Variants in POLR3B observed in about 807,000 individuals in gnomAD.
POLR3B encodes DNA-directed RNA polymerase III subunit RPC2.
Under a neutral mutation model 147.4 loss-of-function variants are expected in POLR3B, and 96 were observed. The observed-to-expected ratio is 0.65, with a 90% CI of 0.55 to 0.77. The LOEUF is 0.77. POLR3B is among the 30% of genes least tolerant of loss of function. The pLI, the probability that POLR3B is intolerant of heterozygous loss-of-function variation, is 0.00. For synonymous variants in POLR3B, 461 were observed against 485.9 expected (o/e 0.95, Z 0.67); for missense variants, 1,036 against 1,413.5 (o/e 0.73, Z 4.28).
At chr12:106,419,720 A>G (rs1318333793) in intron 12 of POLR3B, among the ~76,000 whole-genome samples, 1 of 149,898 alleles carries the variant, frequency 6.7e-6, no homozygotes, top group African/African-American at 2.4e-5. Context: ...AGTATTTAGT[A>G]TGCATAATAT....
At chr12:106,433,652 T>C in intron 15 of POLR3B, 67 bp from the exon 16 acceptor site, 2 of 1,290,836 alleles carry the variant, frequency 1.5e-6, no homozygotes, top group Admixed American at 1.8e-5. Context: ...TTTTATTGGT[T>C]GGATATATTA....
intron 6 of POLR3B, among the ~76,000 whole-genome samples, chr12:106,373,903 A>G (rs1000959257): frequency 5.3e-5 from 8 of 152,092 alleles, no homozygotes; most frequent in African/African-American, 1.9e-4. Context: ...ATTGGAGTGT[A>G]TATCTGTCAA....
intron 18 of POLR3B, among the ~76,000 whole-genome samples, chr12:106,442,652 T>G (rs546632252): frequency 7.6e-4 from 115 of 152,278 alleles, no homozygotes; most frequent in Middle Eastern, 3.4e-3. Flanking sequence ...GGTTAATAAC[T>G]GGATAAGTGG....
intron 10 of POLR3B, among the ~76,000 whole-genome samples, chr12:106,405,482 A>G (rs1175685498): frequency 6.6e-6 from 1 of 151,088 alleles, no homozygotes; most frequent in East Asian, 2.0e-4. Flanking sequence ...AAAAAGTACT[A>G]CTATAAAATT....
chr12:106,393,129 A>G lies in POLR3B; in HGVS notation c.822A>G (p.Lys274=). Residue 274 remains lysine, a synonymous_variant, in exon 10 of 28, where the codon AAA becomes AAG. Transcript: ENST00000228347. Reference sequence around the variant, plus strand: ...GGCCCAGTCTGGAAGAGTGCCAGAAAGCTCAGATTTTCACACAGATGCAGG... The same window carrying G: ...GGCCCAGTCTGGAAGAGTGCCAGAAGGCTCAGATTTTCACACAGATGCAGG... The part of the protein sequence containing the change: ...AFGPSLEECQ[K]AQIFTQMQAL... 2 of 1,614,220 alleles carry G rather than the reference A, an allele frequency of 1.2e-6. No individual in the cohort carries two copies. Among genetic ancestry groups the G allele is most frequent in the Non-Finnish European group, 1.7e-6 (2 of 1,180,026 alleles).
intron 20 of POLR3B, 127 bp from the exon 21 acceptor site, chr12:106,457,011 A>C (rs1323087559): frequency 1.3e-6 from 1 of 785,544 alleles, no homozygotes; most frequent in African/African-American, 1.7e-5. Flanking sequence ...GATTATTATC[A>C]AATACAGAGA....
chr12:106,373,891 ATATT>A (rs2036642596), intron 6 of POLR3B, among the ~76,000 whole-genome samples: 1 of 152,272 alleles, frequency 6.6e-6, no homozygotes, highest in African/African-American at 2.4e-5. Context: ...ATATGCATAT[ATATT>A]GGAGTGTATA....
At chr12:106,436,236 T>C (rs1409396597) in intron 16 of POLR3B, among the ~76,000 whole-genome samples, 2 of 152,226 alleles carry the variant, frequency 1.3e-5, no homozygotes, top group Non-Finnish European at 2.9e-5. Context: ...GTCTGGTGGT[T>C]ACTTGCTCCT....
Position 106,358,037 on chromosome 12 carries a change from C to T in POLR3B, c.72+86C>T, listed in dbSNP as rs981501248. 22 of 1,569,584 alleles carry T rather than the reference C, an allele frequency of 1.4e-5. No homozygotes were observed. In the East Asian group the frequency reaches 3.2e-4, roughly 23 times the overall value. Reference sequence around the variant, plus strand: ...CGGAGTGCTCGGGCCGCCAAGGGGGCGGGCTGGCGGTTTGTGCGCATGCGC... The same window carrying T: ...CGGAGTGCTCGGGCCGCCAAGGGGGTGGGCTGGCGGTTTGTGCGCATGCGC... On this transcript the variant is annotated intron_variant, in intron 1 of 27. Coordinates refer to ENST00000228347, the MANE Select transcript of POLR3B (RefSeq NM_018082.6).
intron 10 of POLR3B, among the ~76,000 whole-genome samples, chr12:106,404,093 G>GTTTTTTTTTT: frequency 7.4e-6 from 1 of 136,010 alleles, no homozygotes; most frequent in Non-Finnish European, 1.6e-5. Context: ...GTTGTTTTTT[G>GTTTTTTTTTT]TTTTTTTTTT....
chr12:106,478,283 T>G (rs1313021862), intron 23 of POLR3B, among the ~76,000 whole-genome samples: 1 of 152,130 alleles, frequency 6.6e-6, no homozygotes, highest in Non-Finnish European at 1.5e-5. Context: ...AGGTAAAACG[T>G]CAGGAAGGTC....
intron 20 of POLR3B, 117 bp downstream of exon 20, chr12:106,454,828 A>G (rs2037844518): frequency 1.4e-6 from 1 of 701,784 alleles, no homozygotes; most frequent in Admixed American, 2.1e-5. Flanking sequence ...ATTTTATGAT[A>G]TAGAAACAGG....
Position 106,357,883 on chromosome 12 carries a change from G to T in POLR3B, c.4G>T (p.Asp2Tyr). M[D>Y]VLAEEFGNLT... is the part of the protein sequence containing the mutation. ...TTCTTCCTCCTTCGTGAGCAGCATG[G>T]ACGTGCTAGCGGAGGAGTTTGGGAA... The change falls in exon 1 of 28, where the codon GAC becomes TAC. Residue 2 changes from aspartate to tyrosine, a missense_variant. Transcript: ENST00000228347. 1 of 1,613,616 alleles carries T rather than the reference G, an allele frequency of 6.2e-7. No homozygotes were observed. The highest frequency in any genetic ancestry group is 1.1e-5 in the South Asian group (1 of 90,982).
In POLR3B at chr12:106,378,034, G is replaced by A. The variant is rs148776836; in HGVS notation, c.497-233G>A. ...GGTTAGCAGTCCGAGGTTGCAGTGAGCTATGATTGTGCCACTGCACTCCAG... is the reference window on the plus strand; with the variant it reads ...GGTTAGCAGTCCGAGGTTGCAGTGAACTATGATTGTGCCACTGCACTCCAG... On this transcript the variant is annotated intron_variant, in intron 7 of 27. Coordinates refer to ENST00000228347, the MANE Select transcript of POLR3B (RefSeq NM_018082.6). Among the ~76,000 whole-genome samples, 1,005 of 152,304 alleles carry A rather than the reference G, an allele frequency of 6.6e-3. 12 individuals are homozygous for A. Among genetic ancestry groups the A allele is most frequent in the African/African-American group, 0.022 (919 of 41,558 alleles).
chr12:106,360,920 C>T (rs1199203885), intron 1 of POLR3B, among the ~76,000 whole-genome samples: 1 of 152,130 alleles, frequency 6.6e-6, no homozygotes, highest in African/African-American at 2.4e-5. Context: ...TTTGGTATTA[C>T]AAATGGTAGC....
At chr12:106,463,696 C>A in intron 23 of POLR3B, 76 bp downstream of exon 23, 1 of 1,270,266 alleles carries the variant, frequency 7.9e-7, no homozygotes. Context: ...ATAAAATTCC[C>A]CCATTTAAAA....
At chr12:106,397,065 C>T (rs1265651884) in intron 10 of POLR3B, among the ~76,000 whole-genome samples, 1 of 149,572 alleles carries the variant, frequency 6.7e-6, no homozygotes, top group African/African-American at 2.5e-5. Flanking sequence ...ATTGAGGCTG[C>T]AGTGAGCTGA....
intron 4 of POLR3B, among the ~76,000 whole-genome samples, chr12:106,368,297 A>G (rs1209097154): frequency 6.6e-6 from 1 of 151,992 alleles, no homozygotes; most frequent in East Asian, 1.9e-4. Context: ...AGATTCCAAG[A>G]CATGGACACT....
chr12:106,420,964 CTTTAAT>C (rs2037366281), intron 12 of POLR3B, among the ~76,000 whole-genome samples: 1 of 152,032 alleles, frequency 6.6e-6, no homozygotes, highest in Non-Finnish European at 1.5e-5. Context: ...TCATTTACAT[CTTTAAT>C]TTTAAAGTTT....
Sources: gnomAD v4.1 joint callset for allele counts (sites outside exome capture counted in the v4.1 genomes callset) on GRCh38, gnomAD v4.1.1 for gene constraint, MANE v1.5 for transcripts, NCBI Gene and HGNC (gene_info 2026-07-23, HGNC 2026-07-21) for gene names.